The following BICRA variants were observed in gnomAD, a reference collection of about 807,000 sequenced individuals.
BICRA encodes BRD4 interacting chromatin remodeling complex associated protein, also known as BRD4-interacting chromatin-remodeling complex-associated protein.
A neutral mutation model predicts 96.9 loss-of-function variants in BICRA; 31 were observed. The observed-to-expected ratio is 0.32, with a 90% confidence interval of 0.24 to 0.43. The LOEUF (loss-of-function observed/expected upper bound fraction) is 0.43. Among genes scored for constraint, BICRA ranks in the 20% least tolerant of loss-of-function variants. The pLI, the probability that BICRA is intolerant of heterozygous loss-of-function variation, is 1.00. For synonymous variants in BICRA, 1,350 were observed against 1,071.8 expected (o/e 1.26, Z -5.07); for missense variants, 2,283 against 2,190.3 (o/e 1.04, Z -0.84).
intron 1 of BICRA, among the ~76,000 whole-genome samples, chr19:47,655,414 A>G (rs913429791): frequency 1.3e-5 from 2 of 149,670 alleles, no homozygotes; most frequent in Non-Finnish European, 3.0e-5. Flanking sequence ...AGTTCCAGAT[A>G]CTTGGGAGGT....
chr19:47,696,764 A>G (rs1251143207), intron 11 of BICRA, among the ~76,000 whole-genome samples: 1 of 152,096 alleles, frequency 6.6e-6, no homozygotes, highest in Admixed American at 6.5e-5. Flanking sequence ...AGTTTGGTCC[A>G]TCCTGGTTGT....
Position 47,698,673 on chromosome 19 carries a change from G to T in BICRA, c.3288G>T (p.Leu1096=), listed in dbSNP as rs770420575. 1.3e-6 allele frequency: 2 copies of T among 1,584,192 alleles called. No individual in the cohort carries two copies. Among genetic ancestry groups the T allele is most frequent in the Non-Finnish European group, 1.7e-6 (2 of 1,153,244 alleles). ...EHLHKHQGSV[L]HPDYKTAFPS... ...TGCACAAACACCAGGGCTCCGTCCTGCACCCCGACTACAAGACGGCCTTCC... is the reference window on the plus strand; with the variant it reads ...TGCACAAACACCAGGGCTCCGTCCTTCACCCCGACTACAAGACGGCCTTCC... Residue 1096 remains leucine, a synonymous_variant, in exon 12 of 15, where the codon CTG becomes CTT. Coordinates refer to ENST00000594866, the MANE Select transcript of BICRA (RefSeq NM_001394372.1). This position sits in a 1 kb window ranked among gnomAD's most constrained non-coding sequence, Gnocchi z 4.8.
intron 7 of BICRA, among the ~76,000 whole-genome samples, chr19:47,685,600 C>T (rs1316631791): frequency 6.6e-6 from 1 of 152,126 alleles, no homozygotes; most frequent in Non-Finnish European, 1.5e-5. Flanking sequence ...TGTGGATATG[C>T]AGGAATGCAC....
At chr19:47,673,843 C>G in intron 4 of BICRA, 81 bp downstream of exon 4, 1 of 1,224,982 alleles carries the variant, frequency 8.2e-7, no homozygotes, top group South Asian at 1.2e-5. Context: ...AGACATGTCC[C>G]TTTGATGAGG....
intron 7 of BICRA, among the ~76,000 whole-genome samples, chr19:47,682,617 G>T (rs1045588320): frequency 1.4e-4 from 21 of 151,348 alleles, no homozygotes; most frequent in Admixed American, 1.4e-3. Flanking sequence ...TCTGCCTGCG[G>T]TATTGCATCT....
At chr19:47,629,927 C>A (rs996829398) in intron 1 of BICRA, among the ~76,000 whole-genome samples, 2 of 152,172 alleles carry the variant, frequency 1.3e-5, no homozygotes, top group African/African-American at 4.8e-5. Flanking sequence ...TCTCAAAATG[C>A]TGGGATTACA....
Position 47,699,887 on chromosome 19 carries a change from A to G in BICRA, c.3595+482A>G, listed in dbSNP as rs1973413500. ...GCCAGAGTTTCCAGAATATTCCCTT[A>G]GCCTTTGCCCACATTCCAACTCCAG... is the stretch of plus-strand genomic sequence containing the variant. On this transcript the variant is annotated intron_variant, in intron 14 of 14. Transcript: ENST00000594866. This position sits in a 1 kb window ranked among gnomAD's most constrained non-coding sequence, Gnocchi z 5.0. The G allele has an allele frequency of 6.2e-6, 1 of 161,046 alleles. No homozygotes were observed. The highest frequency in any genetic ancestry group is 2.4e-5 in the African/African-American group (1 of 41,604). 10.0% of individuals were successfully genotyped at this position (161,046 alleles called of 1,614,324 possible).
At chr19:47,644,011 AC>A (rs1480929562) in intron 1 of BICRA, among the ~76,000 whole-genome samples, 14 of 151,922 alleles carry the variant, frequency 9.2e-5, no homozygotes, top group Non-Finnish European at 1.5e-4. Context: ...ACATTCACCA[AC>A]CTTTTATTTA....
chr19:47,692,290 G>A (rs1320424343), intron 7 of BICRA, among the ~76,000 whole-genome samples: 4 of 151,632 alleles, frequency 2.6e-5, no homozygotes, highest in East Asian at 1.9e-4. Context: ...GCAGTGGCGC[G>A]ATCTCATTTC....
chr19:47,681,058 G>T lies in BICRA; in HGVS notation c.1888G>T (p.Ala630Ser), dbSNP rs1352091143. 3.8e-6 allele frequency: 5 copies of T among 1,329,616 alleles called. No individual in the cohort carries two copies. The highest frequency in any genetic ancestry group is 4.8e-6 in the Non-Finnish European group (5 of 1,043,250). 82.4% of individuals were successfully genotyped at this position (1,329,616 alleles called of 1,614,324 possible). A position where few individuals can be genotyped will look rare whatever the true frequency, so the allele number is the denominator to read the frequency against. ...GCAGCCTGCCCCCCAGGCGCCCCCC[G>T]CGGTCAGCACACCCCTGCCCCTGGG... Reference protein sequence around the residue: ...TVQPAPQAPPAVSTPLPLGLQ... With the variant: ...TVQPAPQAPPSVSTPLPLGLQ... Residue 630 changes from alanine to serine, a missense_variant, in exon 6 of 15, where the codon GCG (alanine) becomes TCG (serine). By Grantham distance (99) the Ala-to-Ser change is moderately conservative. Transcript: ENST00000594866.
chr19:47,677,639 G>A (rs1489458353), intron 5 of BICRA, among the ~76,000 whole-genome samples: 1 of 152,186 alleles, frequency 6.6e-6, no homozygotes, highest in Non-Finnish European at 1.5e-5. Flanking sequence ...AGATTGTGGT[G>A]AGCCAGGATC....
chr19:47,626,633 C>G (rs566096458), intron 1 of BICRA, among the ~76,000 whole-genome samples: 168 of 147,814 alleles, frequency 1.1e-3, no homozygotes, highest in Non-Finnish European at 2.0e-3. Flanking sequence ...GTCTTGAACT[C>G]CTGGGCTCAG....
chr19:47,638,663 GT>G (rs1972337614), intron 1 of BICRA, among the ~76,000 whole-genome samples: 1 of 151,698 alleles, frequency 6.6e-6, no homozygotes, highest in African/African-American at 2.4e-5. Context: ...GTTTTGTTTT[GT>G]TTTGTTTTTG....
In BICRA at chr19:47,680,802, C is replaced by G. The variant is rs376362178; in HGVS notation, c.1632C>G (p.Ala544=). Residue 544 remains alanine, a synonymous_variant, in exon 6 of 15, where the codon GCC becomes GCG. Coordinates refer to ENST00000594866, the MANE Select transcript of BICRA (RefSeq NM_001394372.1). Reference sequence around the variant, plus strand: ...CCCACAGCGCGCACATCCTCTCCGCCGCTCCCATCCAGGTGGGCCAGCCTG... The same window carrying G: ...CCCACAGCGCGCACATCCTCTCCGCGGCTCCCATCCAGGTGGGCCAGCCTG... The part of the protein sequence containing the change: ...SGAHSAHILS[A]APIQVGQPAL... 1.2e-6 allele frequency: 2 copies of G among 1,608,356 alleles called. No individual in the cohort carries two copies. Among genetic ancestry groups the G allele is most frequent in the East Asian group, 2.2e-5 (1 of 44,674 alleles).
intron 9 of BICRA, 23 bp from the exon 10 acceptor site, chr19:47,695,342 T>TGGGGGGGCCC: frequency 1.6e-6 from 1 of 630,200 alleles, no homozygotes; most frequent in Non-Finnish European, 2.8e-6. Flanking sequence ...AGGCCCTGTC[T>TGGGGGGGCCC]CCCCCACCCC....
In BICRA at chr19:47,694,335, T is replaced by C; in HGVS notation, c.2504T>C (p.Phe835Ser). Residue 835 changes from phenylalanine to serine, a missense_variant, in exon 8 of 15, where the codon TTT becomes TCT. Phe to Ser is a radical substitution (Grantham distance 155). Coordinates refer to ENST00000594866, the MANE Select transcript of BICRA (RefSeq NM_001394372.1). ...GCCCCCCCAACTCTGCCTGGCATCTTTGTCATCCAAAACCAGCTAGGCGTT... is the reference window on the plus strand; with the variant it reads ...GCCCCCCCAACTCTGCCTGGCATCTCTGTCATCCAAAACCAGCTAGGCGTT... ...PQAPPTLPGI[F>S]VIQNQLGVPP... 3.8e-6 allele frequency: 4 copies of C among 1,049,862 alleles called. No homozygotes were observed. The highest frequency in any genetic ancestry group is 5.4e-6 in the Non-Finnish European group (4 of 744,760). The allele number at this position is 1,049,862 out of a possible 1,614,324, so 65.0% of individuals were successfully genotyped here.
Position 47,694,450 on chromosome 19 carries a change from G to GCGCC in BICRA, c.2620_2621insGCCC (p.Pro874ArgfsTer21). On this transcript the variant is annotated frameshift_variant, in exon 8 of 15. Coordinates refer to ENST00000594866, the MANE Select transcript of BICRA (RefSeq NM_001394372.1). LOFTEE classifies it high-confidence loss of function. The stretch of plus-strand genomic sequence containing the variant: ...AGTCCCAGCCGCCTGAGGGACCGCT[G>GCGCC]CCCCCAGCCCCCCACCTCCCTCCAT... 1 of 1,006,304 alleles carries GCGCC rather than the reference G, an allele frequency of 9.9e-7. No homozygotes were observed. The highest frequency in any genetic ancestry group is 1.5e-6 in the Non-Finnish European group (1 of 660,242). The allele number at this position is 1,006,304 out of a possible 1,614,324, so 62.3% of individuals were successfully genotyped here.
At chr19:47,673,347 CTGGG>C (rs1972894011) in intron 2 of BICRA, among the ~76,000 whole-genome samples, 3 of 152,102 alleles carry the variant, frequency 2.0e-5, no homozygotes, top group African/African-American at 7.2e-5. Flanking sequence ...TCATCAGGTG[CTGGG>C]AGAGTTGGAG....
At chr19:47,648,554 A>C (rs982426389) in intron 1 of BICRA, among the ~76,000 whole-genome samples, 8 of 151,768 alleles carry the variant, frequency 5.3e-5, no homozygotes, top group Non-Finnish European at 8.8e-5. Flanking sequence ...TTGTGACTAC[A>C]GACGGCCCTG....
Sources: allele counts gnomAD v4.1 joint callset (sites outside exome capture counted in the v4.1 genomes callset), GRCh38; gene constraint gnomAD v4.1.1; non-coding constraint Gnocchi (gnomAD v3.1); transcripts MANE v1.5; gene names NCBI Gene and HGNC (gene_info 2026-07-23, HGNC 2026-07-21).